Variants in CDH12 observed in about 807,000 individuals in gnomAD.
CDH12 encodes the protein cadherin 12.
A neutral mutation model predicts 74.1 loss-of-function variants in CDH12; 41 were observed. That is an observed-to-expected ratio of 0.55 (90% CI 0.43 to 0.72). The LOEUF is 0.72. CDH12 is among the 30% of genes least tolerant of loss of function. The probability of loss-of-function intolerance (pLI) is 0.00; values close to 1 mark genes in which losing one functional copy is unlikely to be tolerated. For synonymous variants in CDH12, 399 were observed against 355.0 expected (o/e 1.12, Z -1.39); for missense variants, 945 against 977.2 (o/e 0.97, Z 0.44).
At chr5:22,030,171 G>T (rs1012820439) in intron 5 of CDH12, among the ~76,000 whole-genome samples, 1 of 151,684 alleles carries the variant, frequency 6.6e-6, no homozygotes, top group Admixed American at 6.6e-5. Flanking sequence ...GCTAAATGAT[G>T]AGTTAATGGG....
intron 1 of CDH12, among the ~76,000 whole-genome samples, chr5:22,675,969 T>C (rs1174889096): frequency 6.7e-6 from 1 of 149,548 alleles, no homozygotes; most frequent in Non-Finnish European, 1.5e-5. Context: ...TTTAGAAATA[T>C]CTTCAGATCC....
At chr5:22,634,484 A>G (rs1738733543) in intron 1 of CDH12, among the ~76,000 whole-genome samples, 1 of 152,194 alleles carries the variant, frequency 6.6e-6, no homozygotes, top group Admixed American at 6.5e-5. Context: ...AAAAATTGTT[A>G]TGGAGACAAA....
At chr5:22,073,926 C>T (rs556259907) in intron 5 of CDH12, among the ~76,000 whole-genome samples, 1 of 152,198 alleles carries the variant, frequency 6.6e-6, no homozygotes, top group Admixed American at 6.6e-5. Flanking sequence ...ATGATTTCCA[C>T]ATACGCTCTT....
intron 3 of CDH12, among the ~76,000 whole-genome samples, chr5:22,298,478 T>C (rs1034848112): frequency 1.1e-4 from 16 of 152,270 alleles, no homozygotes; most frequent in Admixed American, 9.8e-4. Flanking sequence ...AATGTGGCTT[T>C]CTACTTTCTA....
At chr5:21,896,193 A>C (rs926161415) in intron 6 of CDH12, among the ~76,000 whole-genome samples, 53 of 152,298 alleles carry the variant, frequency 3.5e-4, no homozygotes, top group African/African-American at 1.0e-3. Flanking sequence ...CCAAAAAAGA[A>C]ATTGAGAGTC....
chr5:22,291,588 A>T lies in CDH12; in HGVS notation c.-332-78945T>A, dbSNP rs532314422. 5.9e-5 allele frequency among the ~76,000 whole-genome samples: 9 copies of T among 152,272 alleles called. No homozygotes were observed. In the South Asian group the frequency reaches 1.9e-3, roughly 32 times the overall value. ...AAACAACCTGAAAAAGAAAGCAAGA[A>T]ACCAATCCTATTTACACTAGCTATA... On this transcript the variant is annotated intron_variant, in intron 3 of 14. Transcript: ENST00000382254.
intron 3 of CDH12, among the ~76,000 whole-genome samples, chr5:22,356,742 A>C (rs1740577090): frequency 6.6e-6 from 1 of 152,074 alleles, no homozygotes; most frequent in African/African-American, 2.4e-5. Flanking sequence ...TACCAATTTC[A>C]ATCCTATTTT....
intron 3 of CDH12, among the ~76,000 whole-genome samples, chr5:22,357,350 A>T (rs760039559): frequency 6.6e-6 from 1 of 152,158 alleles, no homozygotes; most frequent in Non-Finnish European, 1.5e-5. Context: ...TCAAATTGAC[A>T]TATTGAAAGA....
At chr5:21,955,975 C>T (rs1311645992) in intron 6 of CDH12, among the ~76,000 whole-genome samples, 1 of 151,920 alleles carries the variant, frequency 6.6e-6, no homozygotes, top group African/African-American at 2.4e-5. Flanking sequence ...ACAAAAACAA[C>T]ATGAAACATA....
At chr5:22,192,739 C>T (rs956289641) in intron 4 of CDH12, among the ~76,000 whole-genome samples, 5 of 152,118 alleles carry the variant, frequency 3.3e-5, no homozygotes, top group African/African-American at 2.4e-5. Flanking sequence ...GACTGGGGCT[C>T]ACTTTGTAGA....
chr5:21,846,425 G>A (rs538610242), intron 7 of CDH12, among the ~76,000 whole-genome samples: 95 of 63,816 alleles, frequency 1.5e-3, no homozygotes, highest in African/African-American at 3.3e-3. Context: ...GGAACCTTGG[G>A]GTTCATTATC....
intron 3 of CDH12, among the ~76,000 whole-genome samples, chr5:22,355,793 G>A (rs1740541636): frequency 6.6e-6 from 1 of 151,914 alleles, no homozygotes; most frequent in African/African-American, 2.4e-5. Context: ...ACAAATTCCT[G>A]TACAAATACA....
intron 2 of CDH12, among the ~76,000 whole-genome samples, chr5:22,458,912 C>A (rs907906266): frequency 6.6e-6 from 1 of 150,614 alleles, no homozygotes. Context: ...TGGGTTTTTT[C>A]TTTTTTTTTG....
chr5:21,788,065 GA>G (rs1244094524), intron 10 of CDH12, among the ~76,000 whole-genome samples: 2 of 152,092 alleles, frequency 1.3e-5, no homozygotes, highest in African/African-American at 4.8e-5. Flanking sequence ...CTATACACTA[GA>G]CATTGTTCTA....
chr5:22,542,684 T>C lies in CDH12; in HGVS notation c.-522-37320A>G, dbSNP rs557895208. 2.6e-5 allele frequency among the ~76,000 whole-genome samples: 4 copies of C among 152,208 alleles called. No homozygotes were observed. The East Asian group carries it at 7.7e-4, about 29-fold the overall frequency. On this transcript the variant is annotated intron_variant, in intron 1 of 14. Coordinates refer to ENST00000382254, the MANE Select transcript of CDH12 (RefSeq NM_004061.5). Reference sequence around the variant, plus strand: ...AATGTGATTCTTTTTTCTCATGAGGTGCAAGAGCAATGAAGCAATGTAAGA... The same window carrying C: ...AATGTGATTCTTTTTTCTCATGAGGCGCAAGAGCAATGAAGCAATGTAAGA...
intron 2 of CDH12, among the ~76,000 whole-genome samples, chr5:22,444,068 T>G (rs1744727570): frequency 6.6e-6 from 1 of 152,062 alleles, no homozygotes; most frequent in South Asian, 2.1e-4. Context: ...GAGGCTAAAA[T>G]AACAAATGAT....
intron 2 of CDH12, among the ~76,000 whole-genome samples, chr5:22,417,899 T>C (rs1743468184): frequency 6.6e-6 from 1 of 152,200 alleles, no homozygotes; most frequent in Non-Finnish European, 1.5e-5. Context: ...AATAGATCTG[T>C]TGCTATTCAT....
At chr5:22,204,097 A>G (rs1421979284) in intron 4 of CDH12, among the ~76,000 whole-genome samples, 2 of 152,212 alleles carry the variant, frequency 1.3e-5, no homozygotes, top group Non-Finnish European at 2.9e-5. Flanking sequence ...CAGAATCTAT[A>G]AGGAACTCAA....
chr5:22,648,373 T>C (rs998905409), intron 1 of CDH12, among the ~76,000 whole-genome samples: 5 of 151,880 alleles, frequency 3.3e-5, no homozygotes, highest in Admixed American at 3.3e-4. Context: ...TAAGTTCTTA[T>C]ATAATTCTTT....
Sources: gnomAD v4.1 joint callset for allele counts (sites outside exome capture counted in the v4.1 genomes callset) on GRCh38, gnomAD v4.1.1 for gene constraint, MANE v1.5 for transcripts, NCBI Gene and HGNC (gene_info 2026-07-23, HGNC 2026-07-21) for gene names.